The following CNTLN variants were observed in gnomAD, a reference collection of about 807,000 sequenced individuals.
CNTLN encodes the protein centlein, centrosomal protein.
A neutral mutation model predicts 180.0 loss-of-function variants in CNTLN; 212 were observed. The observed-to-expected ratio is 1.18, with a 90% CI of 1.05 to 1.32. CNTLN has a LOEUF of 1.32. Among genes scored for constraint, CNTLN ranks in the 40% most tolerant of loss-of-function variants. CNTLN has a pLI of 0.00. For missense variants in CNTLN, 2,095 were observed against 1,610.9 expected (o/e 1.30, Z -5.14); for synonymous variants, 722 against 563.1 (o/e 1.28, Z -3.99).
At chr9:17,308,319 A>G (rs1395267961) in intron 7 of CNTLN, among the ~76,000 whole-genome samples, 1 of 152,072 alleles carries the variant, frequency 6.6e-6, no homozygotes, top group Non-Finnish European at 1.5e-5. Flanking sequence ...CTATTTTTTC[A>G]CAGTTTAAGG....
intron 8 of CNTLN, among the ~76,000 whole-genome samples, chr9:17,321,139 T>A (rs952817440): frequency 6.6e-6 from 1 of 152,236 alleles, no homozygotes; most frequent in African/African-American, 2.4e-5. Flanking sequence ...TATTTTTATC[T>A]TGTTTGCTTA....
At position 17,295,969 on chromosome 9, in the gene CNTLN, T is replaced by TGAGAGA. The variant is rs113148833; in HGVS notation, c.984-2197_984-2192dup. On this transcript the variant is annotated intron_variant, in intron 6 of 25. Coordinates refer to ENST00000380647, the MANE Select transcript of CNTLN (RefSeq NM_017738.4). Reference sequence around the variant, plus strand: ...GTATGAGCATCTCCCTACTCTTCAGTGAGAGAGAGAGAGAGAGAGAGAGAG... The same window carrying TGAGAGA: ...GTATGAGCATCTCCCTACTCTTCAGTGAGAGAGAGAGAGAGAGAGAGAGAGAGAGAG... 1.2e-3 allele frequency among the ~76,000 whole-genome samples: 143 copies of TGAGAGA among 119,764 alleles called. 1 individual carries two copies. Among genetic ancestry groups the TGAGAGA allele is most frequent in the African/African-American group, 4.4e-3 (134 of 30,530 alleles). The allele number at this position is 119,764 out of a possible 152,430, so 78.6% of individuals were successfully genotyped here.
At chr9:17,184,954 T>C (rs1177859101) in intron 2 of CNTLN, among the ~76,000 whole-genome samples, 1 of 152,252 alleles carries the variant, frequency 6.6e-6, no homozygotes, top group African/African-American at 2.4e-5. Context: ...CAGTGTATTT[T>C]TGGATATCCT....
intron 6 of CNTLN, among the ~76,000 whole-genome samples, chr9:17,289,378 G>T (rs1296986156): frequency 9.5e-6 from 1 of 105,352 alleles, no homozygotes; most frequent in Admixed American, 9.8e-5. Flanking sequence ...CGAGAGATCC[G>T]CTGTTAGTCT....
chr9:17,153,145 T>C (rs1365685372), intron 2 of CNTLN, among the ~76,000 whole-genome samples: 2 of 152,222 alleles, frequency 1.3e-5, no homozygotes, highest in East Asian at 3.8e-4. Context: ...TTGGGGCACT[T>C]AGCCCGTTTA....
intron 2 of CNTLN, among the ~76,000 whole-genome samples, chr9:17,186,226 AG>A (rs1368022644): frequency 1.3e-5 from 2 of 152,170 alleles, no homozygotes; most frequent in Non-Finnish European, 2.9e-5. Flanking sequence ...TTCCTTGAAA[AG>A]GGTATTCATC....
intron 6 of CNTLN, among the ~76,000 whole-genome samples, chr9:17,289,458 A>C (rs1364398896): frequency 1.5e-5 from 2 of 130,878 alleles, no homozygotes; most frequent in African/African-American, 6.6e-5. Flanking sequence ...CCTTCATTTC[A>C]ACTTTGGTGA....
chr9:17,312,884 G>T (rs905660976), intron 8 of CNTLN, among the ~76,000 whole-genome samples: 1 of 151,990 alleles, frequency 6.6e-6, no homozygotes, highest in Non-Finnish European at 1.5e-5. Context: ...TAATGATTGT[G>T]TTTAGTTTTT....
At chr9:17,299,430 G>T in intron 7 of CNTLN, 1 of 973,222 alleles carries the variant, frequency 1.0e-6, no homozygotes, top group Non-Finnish European at 1.2e-6. Context: ...AGAATTACTG[G>T]ATTTTTACTT....
At chr9:17,367,345 G>T (rs921408463) in intron 13 of CNTLN, among the ~76,000 whole-genome samples, 1 of 152,166 alleles carries the variant, frequency 6.6e-6, no homozygotes, top group Non-Finnish European at 1.5e-5. Flanking sequence ...CCAGTGGTTG[G>T]AACCTGAGTT....
intron 18 of CNTLN, among the ~76,000 whole-genome samples, chr9:17,418,705 G>T (rs1158827035): frequency 6.6e-6 from 1 of 151,756 alleles, no homozygotes; most frequent in Non-Finnish European, 1.5e-5. Flanking sequence ...TTATTCTAAA[G>T]TATTGAATCA....
At chr9:17,410,987 C>T (rs1827802945) in intron 16 of CNTLN, among the ~76,000 whole-genome samples, 1 of 152,098 alleles carries the variant, frequency 6.6e-6, no homozygotes, top group Non-Finnish European at 1.5e-5. Flanking sequence ...TGGTCCTTTA[C>T]TCTTCAAAAT....
intron 5 of CNTLN, among the ~76,000 whole-genome samples, chr9:17,262,764 G>C (rs1587389353): frequency 6.6e-6 from 1 of 151,178 alleles, no homozygotes; most frequent in South Asian, 2.1e-4. Context: ...AGAAAGATTA[G>C]GTATCTCTGT....
intron 25 of CNTLN, among the ~76,000 whole-genome samples, chr9:17,493,924 G>T (rs1833304426): frequency 6.6e-6 from 1 of 152,178 alleles, no homozygotes; most frequent in African/African-American, 2.4e-5. Context: ...ACCTGGGGTT[G>T]CGTTCTGTCT....
chr9:17,310,530 C>T (rs906358819), intron 8 of CNTLN, among the ~76,000 whole-genome samples: 2 of 152,162 alleles, frequency 1.3e-5, no homozygotes, highest in South Asian at 4.1e-4. Context: ...TTACTGTTGA[C>T]ATTTTCGCAC....
intron 18 of CNTLN, among the ~76,000 whole-genome samples, chr9:17,427,367 T>G (rs1406058427): frequency 6.6e-6 from 1 of 151,996 alleles, no homozygotes; most frequent in African/African-American, 2.4e-5. Context: ...ACAGAGGGTT[T>G]TCAGGTTATA....
At chr9:17,229,427 T>C (rs1824675772) in intron 3 of CNTLN, among the ~76,000 whole-genome samples, 1 of 152,078 alleles carries the variant, frequency 6.6e-6, no homozygotes, top group Non-Finnish European at 1.5e-5. Flanking sequence ...GATGGATTGA[T>C]TGATTGACTG....
At chr9:17,228,184 G>A (rs1389073133) in intron 3 of CNTLN, among the ~76,000 whole-genome samples, 1 of 151,946 alleles carries the variant, frequency 6.6e-6, no homozygotes, top group Non-Finnish European at 1.5e-5. Context: ...TACCAGCTTT[G>A]GATAACCATA....
At chr9:17,378,072 G>A (rs145793474) in intron 13 of CNTLN, among the ~76,000 whole-genome samples, 22 of 151,846 alleles carry the variant, frequency 1.4e-4, no homozygotes, top group South Asian at 1.0e-3. Context: ...TTTTTTGTCC[G>A]GCCTTCATAT....
Sources: allele counts gnomAD v4.1 joint callset (sites outside exome capture counted in the v4.1 genomes callset), GRCh38; gene constraint gnomAD v4.1.1; transcripts MANE v1.5; gene names NCBI Gene and HGNC (gene_info 2026-07-23, HGNC 2026-07-21).